GRM3: variants seen among roughly 807,000 people sequenced by gnomAD.
GRM3 encodes the protein glutamate metabotropic receptor 3.
A neutral mutation model predicts 70.5 loss-of-function variants in GRM3; 26 were observed. The ratio of observed to expected loss-of-function variants is 0.37; its 90% confidence interval spans 0.27 to 0.51. GRM3 has a LOEUF of 0.51. GRM3 is among the 20% of genes least tolerant of loss of function. The probability of loss-of-function intolerance (pLI) is 0.93; values close to 1 mark genes in which losing one functional copy is unlikely to be tolerated. For synonymous variants in GRM3, 443 were observed against 434.9 expected (o/e 1.02, Z -0.23); for missense variants, 859 against 1,123.8 (o/e 0.76, Z 3.37).
chr7:86,682,312 G>A (rs1012755440), intron 1 of GRM3, among the ~76,000 whole-genome samples: 12 of 152,070 alleles, frequency 7.9e-5, no homozygotes, highest in Admixed American at 3.3e-4. Context: ...AATATGGTAC[G>A]TGTCATAATC....
At chr7:86,838,737 C>T (rs1584273451) in intron 3 of GRM3, 102 bp from the exon 4 acceptor site, 5 of 660,016 alleles carry the variant, frequency 7.6e-6, no homozygotes, top group Non-Finnish European at 1.3e-5. Context: ...CTTGGAATCA[C>T]CATTTCCTGT....
At chr7:86,744,542 C>T (rs1337464133) in intron 1 of GRM3, among the ~76,000 whole-genome samples, 3 of 151,648 alleles carry the variant, frequency 2.0e-5, no homozygotes, top group Non-Finnish European at 4.4e-5. Context: ...GATTCCCCAA[C>T]AGGCCACATG....
At chr7:86,837,648 A>C (rs1332917910) in intron 3 of GRM3, among the ~76,000 whole-genome samples, 1 of 152,298 alleles carries the variant, frequency 6.6e-6, no homozygotes, top group East Asian at 1.9e-4. Context: ...AGGAGGGCCT[A>C]GGCAGGGGCA....
At chr7:86,775,896 T>G (rs1042515394) in intron 2 of GRM3, 2 of 152,142 alleles carry the variant, frequency 1.3e-5, no homozygotes, top group Non-Finnish European at 2.9e-5. Context: ...CTGAGTGTAA[T>G]TAGTTGCTCT....
At chr7:86,720,618 T>G (rs1795434749) in intron 1 of GRM3, among the ~76,000 whole-genome samples, 1 of 152,240 alleles carries the variant, frequency 6.6e-6, no homozygotes, top group East Asian at 1.9e-4. Flanking sequence ...TGAATTCATC[T>G]ACCCTATACC....
At chr7:86,657,858 A>G (rs531844144) in intron 1 of GRM3, among the ~76,000 whole-genome samples, 1 of 152,342 alleles carries the variant, frequency 6.6e-6, no homozygotes, top group South Asian at 2.1e-4. Flanking sequence ...GGGCAAAAAA[A>G]TACCAGCCAA....
chr7:86,756,986 T>G (rs1467301575), intron 1 of GRM3, among the ~76,000 whole-genome samples: 7 of 152,156 alleles, frequency 4.6e-5, no homozygotes, highest in African/African-American at 1.7e-4. Context: ...TCATGAAATC[T>G]TTATTTTAAA....
intron 1 of GRM3, among the ~76,000 whole-genome samples, chr7:86,700,829 T>C (rs1204494311): frequency 6.6e-6 from 1 of 151,926 alleles, no homozygotes; most frequent in Non-Finnish European, 1.5e-5. Flanking sequence ...CTGGAAATGA[T>C]AAATACTAAT....
chr7:86,769,765 GC>G (rs965922409), intron 2 of GRM3, among the ~76,000 whole-genome samples: 1 of 152,146 alleles, frequency 6.6e-6, no homozygotes, highest in Non-Finnish European at 1.5e-5. Flanking sequence ...AGTACAACAA[GC>G]CAGTCTGCTG....
intron 1 of GRM3, among the ~76,000 whole-genome samples, chr7:86,728,841 G>T (rs1795653662): frequency 6.6e-6 from 1 of 152,180 alleles, no homozygotes. Context: ...GAAATCAGTG[G>T]TAAAGATACA....
intron 1 of GRM3, among the ~76,000 whole-genome samples, chr7:86,732,400 C>T (rs2116282029): frequency 6.7e-6 from 1 of 148,366 alleles, no homozygotes; most frequent in Admixed American, 6.7e-5. Flanking sequence ...AGAGTGGGGG[C>T]TGGAAAAATG....
rs138455469 is a variant in GRM3, at chr7:86,849,780, G to A, written c.2392-590G>A. 3.1e-3 allele frequency among the ~76,000 whole-genome samples: 469 copies of A among 152,230 alleles called. 3 individuals are homozygous for A. Among genetic ancestry groups the A allele is most frequent in the Non-Finnish European group, 5.2e-3 (354 of 68,002 alleles). ...CATGAAGATTGAACAGTTAGTACCT[G>A]ATGAATCAAAATTCCAGAGATGCCA... On this transcript the variant is annotated intron_variant, in intron 4 of 5. Coordinates refer to ENST00000361669, the MANE Select transcript of GRM3 (RefSeq NM_000840.3).
chr7:86,645,051 G>A, intron 1 of GRM3, 179 bp downstream of exon 1: 1 of 356,144 alleles, frequency 2.8e-6, no homozygotes, highest in South Asian at 2.1e-5. Flanking sequence ...GTGCATGAGT[G>A]AGAGTTTGTG....
chr7:86,765,128 G>A lies in GRM3; in HGVS notation c.-18G>A, dbSNP rs937327485. 6.5e-7 allele frequency: 1 copy of A among 1,548,928 alleles called. No individual in the cohort carries two copies. The highest frequency in any genetic ancestry group is 8.7e-7 in the Non-Finnish European group (1 of 1,153,166). ...GGCTCCACCATTGATATCTCCCAGAGGTACAGAAACAGGATTCATGAAGAT... is the reference window on the plus strand; with the variant it reads ...GGCTCCACCATTGATATCTCCCAGAAGTACAGAAACAGGATTCATGAAGAT... On this transcript the variant is annotated 5_prime_UTR_variant, in exon 2 of 6. Coordinates refer to ENST00000361669, the MANE Select transcript of GRM3 (RefSeq NM_000840.3).
At position 86,786,732 on chromosome 7, in the gene GRM3, G is replaced by C; in HGVS notation, c.940G>C (p.Glu314Gln). The stretch of plus-strand genomic sequence containing the variant: ...GCAGGAGAGCATCATCAAGGGCAGC[G>C]AGCATGTGGCCTACGGCGCCATCAC... ...GAQESIIKGS[E>Q]HVAYGAITLE... Residue 314 changes from glutamate (E) to glutamine (Q), a missense_variant, in exon 3 of 6, where the codon GAG becomes CAG. Glu to Gln is a conservative substitution (Grantham distance 29). Coordinates refer to ENST00000361669, the MANE Select transcript of GRM3 (RefSeq NM_000840.3). The surrounding 1 kb of genome is among the most constrained non-coding windows in gnomAD (Gnocchi z 6.0). The C allele has an allele frequency of 6.2e-7, 1 of 1,613,470 alleles. No individual in the cohort carries two copies. The highest frequency in any genetic ancestry group is 8.5e-7 in the Non-Finnish European group (1 of 1,180,012).
intron 1 of GRM3, among the ~76,000 whole-genome samples, chr7:86,737,485 A>G (rs1795890628): frequency 6.6e-6 from 1 of 152,170 alleles, no homozygotes; most frequent in Non-Finnish European, 1.5e-5. Flanking sequence ...GAATAATTAT[A>G]CCTTTCAGAT....
At chr7:86,720,906 A>G (rs1480219065) in intron 1 of GRM3, among the ~76,000 whole-genome samples, 1 of 152,124 alleles carries the variant, frequency 6.6e-6, no homozygotes, top group Admixed American at 6.6e-5. Context: ...ACATTGAGGT[A>G]GAGATACTCA....
intron 3 of GRM3, among the ~76,000 whole-genome samples, chr7:86,789,729 CTT>C (rs1388325815): frequency 6.6e-6 from 1 of 152,180 alleles, no homozygotes; most frequent in African/African-American, 2.4e-5. Flanking sequence ...ACAAGGGACA[CTT>C]TTAGCCAATT....
intron 1 of GRM3, among the ~76,000 whole-genome samples, chr7:86,697,453 A>G (rs138946117): frequency 2.0e-5 from 3 of 152,164 alleles, no homozygotes; most frequent in Admixed American, 2.0e-4. Context: ...GGGAGTGTTC[A>G]GACCTGGTTT....
Sources: gnomAD v4.1 joint callset for allele counts (sites outside exome capture counted in the v4.1 genomes callset) on GRCh38, gnomAD v4.1.1 for gene constraint, Gnocchi (gnomAD v3.1) non-coding constraint, MANE v1.5 for transcripts, NCBI Gene and HGNC (gene_info 2026-07-23, HGNC 2026-07-21) for gene names.